The following AGBL1 variants were observed in gnomAD, a reference collection of about 807,000 sequenced individuals.
AGBL1 encodes cytosolic carboxypeptidase 4.
Under a neutral mutation model 118.9 loss-of-function variants are expected in AGBL1, and 130 were observed. The observed-to-expected ratio is 1.09, with a 90% CI of 0.95 to 1.26. The LOEUF is 1.26. Ranked by LOEUF, AGBL1 falls within the 50% of genes most tolerant of loss-of-function variation. The probability of loss-of-function intolerance (pLI) is 0.00; values close to 1 mark genes in which losing one functional copy is unlikely to be tolerated. For missense variants in AGBL1, 1,584 were observed against 1,298.1 expected, an observed-to-expected ratio of 1.22 and a Z score of -3.38; for synonymous variants, 555 against 478.9, an observed-to-expected ratio of 1.16 and a Z score of -2.08.
At chr15:86,323,326 CAAAT>C (rs2080134320) in intron 17 of AGBL1, among the ~76,000 whole-genome samples, 3 of 151,436 alleles carry the variant, frequency 2.0e-5, no homozygotes, top group Admixed American at 1.3e-4. Flanking sequence ...TAATATATGA[CAAAT>C]AAAGTACTTG....
At chr15:86,173,537 T>A (rs935583920) in intron 5 of AGBL1, among the ~76,000 whole-genome samples, 5 of 152,166 alleles carry the variant, frequency 3.3e-5, no homozygotes, top group African/African-American at 1.2e-4. Context: ...TTCTGAAGAA[T>A]TTCTCCAGTG....
intron 22 of AGBL1, among the ~76,000 whole-genome samples, chr15:86,872,824 C>T (rs1009562842): frequency 1.3e-5 from 2 of 152,160 alleles, no homozygotes; most frequent in East Asian, 1.9e-4. Flanking sequence ...GTTTAGCAAT[C>T]CTGTTTTTTA....
chr15:86,993,713 G>C (rs906208138), intron 24 of AGBL1, among the ~76,000 whole-genome samples: 1 of 152,168 alleles, frequency 6.6e-6, no homozygotes. Flanking sequence ...GGCAGGGAGA[G>C]AAGCAAATCT....
At chr15:86,381,855 C>G (rs908941705) in intron 17 of AGBL1, among the ~76,000 whole-genome samples, 1 of 152,130 alleles carries the variant, frequency 6.6e-6, no homozygotes, top group Non-Finnish European at 1.5e-5. Flanking sequence ...GGGTGAACAT[C>G]TCCCCATTGG....
intron 23 of AGBL1, among the ~76,000 whole-genome samples, chr15:86,956,092 T>C (rs1398290844): frequency 6.6e-6 from 1 of 152,082 alleles, no homozygotes; most frequent in Non-Finnish European, 1.5e-5. Context: ...CAAGAAATTA[T>C]AGACTATTAA....
intron 22 of AGBL1, among the ~76,000 whole-genome samples, chr15:86,678,712 A>G (rs953958668): frequency 1.3e-5 from 2 of 152,118 alleles, no homozygotes; most frequent in East Asian, 3.9e-4. Context: ...ACCTCGGTTT[A>G]ATAACAGATA....
chr15:86,548,972 G>T (rs1341879469), intron 20 of AGBL1, among the ~76,000 whole-genome samples: 8 of 152,056 alleles, frequency 5.3e-5, no homozygotes. Flanking sequence ...GCCAGGAAAA[G>T]AGTCAGGGGG....
At chr15:86,499,789 G>T (rs1179534137) in intron 18 of AGBL1, among the ~76,000 whole-genome samples, 1 of 151,836 alleles carries the variant, frequency 6.6e-6, no homozygotes, top group Non-Finnish European at 1.5e-5. Context: ...TGCCAACAAG[G>T]TAAGTGAAAG....
intron 3 of AGBL1, among the ~76,000 whole-genome samples, chr15:86,145,712 T>C (rs988031528): frequency 1.3e-5 from 2 of 152,202 alleles, no homozygotes; most frequent in African/African-American, 4.8e-5. Context: ...TTGGTGAATA[T>C]TCAACAGATA....
intron 18 of AGBL1, among the ~76,000 whole-genome samples, chr15:86,422,532 A>G (rs1174151465): frequency 6.6e-6 from 1 of 152,218 alleles, no homozygotes; most frequent in Admixed American, 6.5e-5. Context: ...ATCATAATTA[A>G]GGAACTAGAG....
At chr15:86,703,160 A>T (rs2086389386) in intron 22 of AGBL1, among the ~76,000 whole-genome samples, 1 of 152,182 alleles carries the variant, frequency 6.6e-6, no homozygotes, top group Non-Finnish European at 1.5e-5. Flanking sequence ...CCATGGTTGT[A>T]GTATTCTGGT....
At chr15:86,716,499 A>C (rs2034634) in intron 22 of AGBL1, among the ~76,000 whole-genome samples, 1 of 151,926 alleles carries the variant, frequency 6.6e-6, no homozygotes, top group East Asian at 1.9e-4. Context: ...TCACTGCTTA[A>C]AATTTCTACA....
chr15:86,226,193 C>G (rs981395743), intron 6 of AGBL1, among the ~76,000 whole-genome samples: 1 of 152,078 alleles, frequency 6.6e-6, no homozygotes, highest in Non-Finnish European at 1.5e-5. Flanking sequence ...GGGAGAGGAC[C>G]ATTCATTCTT....
At chr15:86,680,197 A>C (rs180831280) in intron 22 of AGBL1, among the ~76,000 whole-genome samples, 1 of 152,190 alleles carries the variant, frequency 6.6e-6, no homozygotes, top group East Asian at 1.9e-4. Flanking sequence ...TTAAAATTCA[A>C]CTTTGTGTTT....
chr15:86,426,226 C>T (rs1007990678), intron 18 of AGBL1, among the ~76,000 whole-genome samples: 1 of 152,130 alleles, frequency 6.6e-6, no homozygotes, highest in Non-Finnish European at 1.5e-5. Context: ...TAAAAGCCCT[C>T]ATACAAAGGA....
intron 5 of AGBL1, among the ~76,000 whole-genome samples, chr15:86,213,466 G>A (rs2078134702): frequency 6.6e-6 from 1 of 152,116 alleles, no homozygotes; most frequent in South Asian, 2.1e-4. Context: ...TCCCACCCTA[G>A]ACCTCCTGTG....
At chr15:86,853,765 A>G (rs182351937) in intron 22 of AGBL1, among the ~76,000 whole-genome samples, 444 of 152,324 alleles carry the variant, frequency 2.9e-3, no homozygotes, top group Non-Finnish European at 4.4e-3. Context: ...GCTTGTGCCC[A>G]TTTGACTGGC....
At chr15:86,841,536 C>T (rs964259743) in intron 22 of AGBL1, among the ~76,000 whole-genome samples, 9 of 152,238 alleles carry the variant, frequency 5.9e-5, no homozygotes, top group East Asian at 1.9e-4. Context: ...ACACATCTCA[C>T]GATTTGAGCT....
intron 22 of AGBL1, among the ~76,000 whole-genome samples, chr15:86,789,844 A>C (rs2078466186): frequency 2.0e-5 from 3 of 152,150 alleles, no homozygotes; most frequent in South Asian, 2.1e-4. Context: ...AAGTCTTATC[A>C]AATTTATCTG....
Sources: gnomAD v4.1 joint callset for allele counts (sites outside exome capture counted in the v4.1 genomes callset) on GRCh38, gnomAD v4.1.1 for gene constraint, MANE v1.5 for transcripts, NCBI Gene and HGNC (gene_info 2026-07-23, HGNC 2026-07-21) for gene names.